Variants in RHOJ observed in about 807,000 individuals in gnomAD.
RHOJ encodes the protein rho-related GTP-binding protein RhoJ.
A neutral mutation model predicts 23.4 loss-of-function variants in RHOJ; 11 were observed. That is an observed-to-expected ratio of 0.47 (90% CI 0.30 to 0.78). The LOEUF is 0.78. RHOJ is among the 30% of genes least tolerant of loss of function. The pLI, the probability that RHOJ is intolerant of heterozygous loss-of-function variation, is 0.08. For synonymous variants in RHOJ, 102 were observed against 102.7 expected (o/e 0.99, Z 0.04); for missense variants, 254 against 273.4 (o/e 0.93, Z 0.50).
chr14:63,222,094 G>A (rs984572457), intron 1 of RHOJ, among the ~76,000 whole-genome samples: 17 of 151,174 alleles, frequency 1.1e-4, no homozygotes, highest in Admixed American at 5.9e-4. Context: ...TTGTCCTTGC[G>A]ATAGTTTGCT....
At chr14:63,279,510 C>A (rs545634301) in intron 2 of RHOJ, among the ~76,000 whole-genome samples, 14 of 152,308 alleles carry the variant, frequency 9.2e-5, no homozygotes, top group African/African-American at 2.2e-4. Context: ...TACCGTGGAA[C>A]CTCCTAAAAC....
chr14:63,243,264 G>A (rs139276576), intron 1 of RHOJ, among the ~76,000 whole-genome samples: 5 of 152,274 alleles, frequency 3.3e-5, no homozygotes, highest in African/African-American at 1.2e-4. Context: ...GTTTCAGTTG[G>A]AGTGAAGAAC....
At chr14:63,236,748 AACACACACACAC>A (rs59297455) in intron 1 of RHOJ, among the ~76,000 whole-genome samples, 45 of 138,360 alleles carry the variant, frequency 3.3e-4, no homozygotes, top group Admixed American at 1.5e-3. Flanking sequence ...AGAGGCTTGA[AACACACACACAC>A]ACACACACAC....
rs1467871413 is a variant in RHOJ at position 63,204,660 on chromosome 14, A to C, written c.-210A>C. ...GAGCGGAAAGGGGCAGACCCTTTTC[A>C]TAACTCCCTCAAGTGTGTGTTACCT... On this transcript the variant is annotated 5_prime_UTR_variant, in exon 1 of 5. Transcript: ENST00000316754. 7 of 593,456 alleles carry C rather than the reference A, an allele frequency of 1.2e-5. No homozygotes were observed. The Admixed American group carries it at 2.1e-4, about 18-fold the overall frequency. The allele number at this position is 593,456 out of a possible 1,614,324, so 36.8% of individuals were successfully genotyped here.
chr14:63,256,241 G>A (rs1397510630), intron 1 of RHOJ, among the ~76,000 whole-genome samples: 1 of 152,052 alleles, frequency 6.6e-6, no homozygotes, highest in Admixed American at 6.6e-5. Context: ...TCATCCCTGT[G>A]TCACTTACTC....
At chr14:63,240,640 A>G (rs1249963367) in intron 1 of RHOJ, among the ~76,000 whole-genome samples, 2 of 152,200 alleles carry the variant, frequency 1.3e-5, no homozygotes, top group South Asian at 2.1e-4. Flanking sequence ...GAAGCTGTCA[A>G]AATACAAAAA....
At chr14:63,245,231 T>C (rs1373235475) in intron 1 of RHOJ, among the ~76,000 whole-genome samples, 1 of 152,174 alleles carries the variant, frequency 6.6e-6, no homozygotes, top group Non-Finnish European at 1.5e-5. Flanking sequence ...TGAGCATTAC[T>C]ACATTTTAGT....
At chr14:63,258,754 A>G (rs1452015604) in intron 1 of RHOJ, among the ~76,000 whole-genome samples, 1 of 152,188 alleles carries the variant, frequency 6.6e-6, no homozygotes, top group Non-Finnish European at 1.5e-5. Flanking sequence ...TTCTGAGAAG[A>G]AGGTGGTTTT....
intron 1 of RHOJ, among the ~76,000 whole-genome samples, chr14:63,256,192 G>T (rs949308215): frequency 6.6e-6 from 1 of 152,100 alleles, no homozygotes; most frequent in Non-Finnish European, 1.5e-5. Context: ...GCCTGGCCAC[G>T]TGTTTATCCC....
intron 1 of RHOJ, among the ~76,000 whole-genome samples, chr14:63,263,959 C>T (rs1895318845): frequency 1.3e-5 from 2 of 151,054 alleles, no homozygotes; most frequent in Non-Finnish European, 2.9e-5. Flanking sequence ...TCAGCTCAGA[C>T]ACCCCCTCCT....
intron 1 of RHOJ, among the ~76,000 whole-genome samples, chr14:63,205,587 G>T (rs1240698786): frequency 1.3e-5 from 2 of 152,196 alleles, no homozygotes; most frequent in African/African-American, 2.4e-5. Flanking sequence ...GATTGGGGGA[G>T]AGTTTTTAAA....
intron 1 of RHOJ, among the ~76,000 whole-genome samples, chr14:63,221,091 G>GTCCT (rs1445448202): frequency 1.3e-5 from 2 of 152,140 alleles, no homozygotes; most frequent in Non-Finnish European, 2.9e-5. Context: ...CACTTTGGGA[G>GTCCT]TCGAAGGCAG....
chr14:63,286,404 C>T (rs1882083739), intron 4 of RHOJ, among the ~76,000 whole-genome samples: 1 of 152,104 alleles, frequency 6.6e-6, no homozygotes, highest in African/African-American at 2.4e-5. Flanking sequence ...AACATCTTAT[C>T]CAGGTTTGAA....
chr14:63,227,218 C>T (rs899693254), intron 1 of RHOJ, among the ~76,000 whole-genome samples: 3 of 152,146 alleles, frequency 2.0e-5, no homozygotes, highest in Non-Finnish European at 2.9e-5. Flanking sequence ...TCCCAAAGTG[C>T]TGGGATTACA....
intron 1 of RHOJ, among the ~76,000 whole-genome samples, chr14:63,211,066 T>C (rs1158038237): frequency 6.6e-6 from 1 of 152,206 alleles, no homozygotes; most frequent in South Asian, 2.1e-4. Flanking sequence ...AAGGAAGTTG[T>C]TTTTACAGAA....
intron 1 of RHOJ, among the ~76,000 whole-genome samples, chr14:63,254,691 C>T (rs978900359): frequency 1.3e-5 from 2 of 152,136 alleles, no homozygotes; most frequent in African/African-American, 4.8e-5. Flanking sequence ...GCAGGGAAAG[C>T]GGAGCTCACC....
intron 2 of RHOJ, chr14:63,269,392 G>T (rs1895426092): frequency 4.9e-6 from 2 of 410,886 alleles, no homozygotes; most frequent in Admixed American, 4.3e-5. Context: ...GGTAAATAAT[G>T]ATTCTTTTGA....
intron 1 of RHOJ, among the ~76,000 whole-genome samples, chr14:63,240,332 T>C (rs1298889556): frequency 6.6e-6 from 1 of 152,170 alleles, no homozygotes; most frequent in Non-Finnish European, 1.5e-5. Flanking sequence ...TCAAAACCAT[T>C]AAGTGTTTTT....
At chr14:63,273,013 AACTCCATC>A (rs1307568163) in intron 2 of RHOJ, among the ~76,000 whole-genome samples, 1 of 152,172 alleles carries the variant, frequency 6.6e-6, no homozygotes, top group Non-Finnish European at 1.5e-5. Context: ...ACAAGAGCAA[AACTCCATC>A]TCAAAAAAGA....
Sources: allele counts gnomAD v4.1 joint callset (sites outside exome capture counted in the v4.1 genomes callset), GRCh38; gene constraint gnomAD v4.1.1; transcripts MANE v1.5; gene names NCBI Gene and HGNC (gene_info 2026-07-23, HGNC 2026-07-21).